The following TUNAR variants were observed in gnomAD, a reference collection of about 807,000 sequenced individuals.
TUNAR encodes the protein protein TUNAR.
At chr14:95,892,786 A>G (rs543529019) in intron 2 of TUNAR, among the ~76,000 whole-genome samples, 122 of 152,308 alleles carry the variant, frequency 8.0e-4, no homozygotes, top group Middle Eastern at 3.4e-3. Flanking sequence ...GGGTTCCATG[A>G]GATGATGCAT....
chr14:95,924,081 A>T (rs760250066), exon 3 of TUNAR: 1 of 152,236 alleles, frequency 6.6e-6, no homozygotes, highest in Non-Finnish European at 1.5e-5. Context: ...TTTAGCGGTC[A>T]TGTACCGCGA....
intron 2 of TUNAR, among the ~76,000 whole-genome samples, chr14:95,892,978 T>C (rs947221685): frequency 2.6e-5 from 4 of 152,126 alleles, no homozygotes; most frequent in Non-Finnish European, 5.9e-5. Context: ...AGGTGGTAGA[T>C]TTGGGCAAGG....
intron 2 of TUNAR, among the ~76,000 whole-genome samples, chr14:95,905,180 C>A (rs73338753): frequency 0.034 from 5,251 of 152,244 alleles, 297 homozygotes; most frequent in African/African-American, 0.12. Flanking sequence ...TGGCCCCTCC[C>A]GTGAACATCT....
At chr14:95,904,893 T>C (rs562932022) in intron 2 of TUNAR, among the ~76,000 whole-genome samples, 1 of 152,336 alleles carries the variant, frequency 6.6e-6, no homozygotes, top group African/African-American at 2.4e-5. Flanking sequence ...ATCCCTTCAG[T>C]TCTGGGGCTT....
chr14:95,897,875 C>T (rs143054301), intron 2 of TUNAR, among the ~76,000 whole-genome samples: 27 of 152,244 alleles, frequency 1.8e-4, no homozygotes, highest in Middle Eastern at 6.8e-3. Context: ...TTCTTGCTTT[C>T]TATGCCTTTT....
chr14:95,885,300 C>G (rs1426029985), intron 2 of TUNAR, among the ~76,000 whole-genome samples: 6 of 152,176 alleles, frequency 3.9e-5, no homozygotes, highest in African/African-American at 1.4e-4. Context: ...ACTGAGAGGC[C>G]ATTAGCAAAG....
intron 2 of TUNAR, among the ~76,000 whole-genome samples, chr14:95,881,950 T>C (rs147864068): frequency 6.6e-6 from 1 of 152,376 alleles, no homozygotes; most frequent in Non-Finnish European, 1.5e-5. Context: ...GCCTTGCCTG[T>C]GTCATGTGAG....
intron 2 of TUNAR, among the ~76,000 whole-genome samples, chr14:95,908,966 G>A (rs1889469608): frequency 6.6e-6 from 1 of 152,190 alleles, no homozygotes; most frequent in South Asian, 2.1e-4. Context: ...ACGTTGCTGG[G>A]CTGGAGGTCT....
At chr14:95,899,563 A>C (rs1889315939) in intron 2 of TUNAR, among the ~76,000 whole-genome samples, 1 of 152,142 alleles carries the variant, frequency 6.6e-6, no homozygotes, top group Non-Finnish European at 1.5e-5. Context: ...GTGGCTTCTA[A>C]ACTACACACA....
At chr14:95,908,072 C>G (rs1889452462) in intron 2 of TUNAR, among the ~76,000 whole-genome samples, 1 of 152,222 alleles carries the variant, frequency 6.6e-6, no homozygotes, top group Non-Finnish European at 1.5e-5. Flanking sequence ...CCTTCAGGCC[C>G]TCCCTGGCCT....
At chr14:95,881,677 G>A (rs2139651051) in intron 2 of TUNAR, among the ~76,000 whole-genome samples, 1 of 152,330 alleles carries the variant, frequency 6.6e-6, no homozygotes, top group Admixed American at 6.5e-5. Context: ...CGTCGTAGCT[G>A]ATGTTGGGGA....
intron 2 of TUNAR, among the ~76,000 whole-genome samples, chr14:95,919,567 G>T (rs929833420): frequency 6.6e-6 from 1 of 152,144 alleles, no homozygotes; most frequent in South Asian, 2.1e-4. Context: ...AAAAATTTTA[G>T]CTGGGCGTGG....
At chr14:95,911,479 A>T (rs59980135) in intron 2 of TUNAR, among the ~76,000 whole-genome samples, 3,647 of 152,218 alleles carry the variant, frequency 0.024, 135 homozygotes, top group African/African-American at 0.082. Flanking sequence ...GCCCGTTGTT[A>T]TGGGCAGCTG....
At chr14:95,904,611 G>A (rs1056525732) in intron 2 of TUNAR, among the ~76,000 whole-genome samples, 1 of 152,206 alleles carries the variant, frequency 6.6e-6, no homozygotes, top group South Asian at 2.1e-4. Context: ...GCCACACTGT[G>A]TACTGGTAAA....
At chr14:95,916,168 G>C (rs1889602268) in intron 2 of TUNAR, among the ~76,000 whole-genome samples, 1 of 152,234 alleles carries the variant, frequency 6.6e-6, no homozygotes, top group Admixed American at 6.5e-5. Context: ...AAGCGCTCAT[G>C]TACCCACCAC....
intron 2 of TUNAR, among the ~76,000 whole-genome samples, chr14:95,898,251 G>T (rs1304225671): frequency 1.3e-5 from 2 of 152,194 alleles, no homozygotes; most frequent in Admixed American, 1.3e-4. Context: ...GAAGTCCGAT[G>T]CCTGGTTCTT....
At chr14:95,920,036 CAT>C (rs1361182422) in intron 2 of TUNAR, among the ~76,000 whole-genome samples, 1 of 152,132 alleles carries the variant, frequency 6.6e-6, no homozygotes, top group Non-Finnish European at 1.5e-5. Context: ...AGAATAGAGA[CAT>C]AAATTTTGGG....
chr14:95,906,092 C>G (rs1048274580), intron 2 of TUNAR, among the ~76,000 whole-genome samples: 1 of 152,172 alleles, frequency 6.6e-6, no homozygotes, highest in Non-Finnish European at 1.5e-5. Flanking sequence ...ACAAGATGTT[C>G]AAGGCTTATC....
chr14:95,896,018 G>C (rs1229989200), intron 2 of TUNAR: 2 of 152,230 alleles, frequency 1.3e-5, no homozygotes, highest in African/African-American at 4.8e-5. Flanking sequence ...CTGGCCCCAG[G>C]TGGGCACTTG....
Sources: gnomAD v4.1 joint callset for allele counts (sites outside exome capture counted in the v4.1 genomes callset) on GRCh38, gnomAD v4.1.1 for gene constraint, MANE v1.5 for transcripts, NCBI Gene and HGNC (gene_info 2026-07-23, HGNC 2026-07-21) for gene names.